SPRYD4: variants seen among roughly 807,000 people sequenced by gnomAD.
The protein encoded by SPRYD4 is SPRY domain-containing protein 4.
Under a neutral mutation model 16.6 loss-of-function variants are expected in SPRYD4, and 12 were observed. The ratio of observed to expected loss-of-function variants is 0.72; its 90% CI spans 0.46 to 1.17. The LOEUF is 1.17. Among genes scored for constraint, SPRYD4 ranks in the 50% most tolerant of loss-of-function variants. SPRYD4 has a pLI of 0.00. For synonymous variants in SPRYD4, 98 were observed against 105.4 expected, an observed-to-expected ratio of 0.93 and a Z score of 0.43; for missense variants, 260 against 260.2, an observed-to-expected ratio of 1.00 and a Z score of 0.00.
chr12:56,474,186 A>C lies in SPRYD4; in HGVS notation c.*4609A>C, dbSNP rs1197141057. ...CGGCTCAGTGCAACCTCTGCCTCCC[A>C]GGTTCAAGCACTTCTGCCTCAGCCT... On this transcript the variant is annotated 3_prime_UTR_variant, in exon 2 of 2. Coordinates refer to ENST00000338146, the MANE Select transcript of SPRYD4 (RefSeq NM_207344.4). The C allele has an allele frequency of 3.7e-6, 1 of 271,292 alleles. No homozygotes were observed. The highest frequency in any genetic ancestry group is 7.1e-6 in the Non-Finnish European group (1 of 140,958). The allele number at this position is 271,292 out of a possible 1,614,324, so 16.8% of individuals were successfully genotyped here.
chr12:56,470,282 G>A lies in SPRYD4; in HGVS notation c.*705G>A, dbSNP rs1445545590. The stretch of plus-strand genomic sequence containing the variant: ...TCCCAGTTATAACCTTGACCAAAGG[G>A]GAAGAGAGACACTTGGGGGATATCT... On this transcript the variant is annotated 3_prime_UTR_variant, in exon 2 of 2. Transcript: ENST00000338146. 1 of 151,880 alleles carries A rather than the reference G, an allele frequency of 6.6e-6. No homozygotes were observed. Among genetic ancestry groups the A allele is most frequent in the Admixed American group, 6.7e-5 (1 of 14,960 alleles). 9.4% of individuals were successfully genotyped at this position (151,880 alleles called of 1,614,324 possible). A position where few individuals can be genotyped will look rare whatever the true frequency, so the allele number is the denominator to read the frequency against.
chr12:56,478,374 G>A lies in SPRYD4; in HGVS notation c.*8797G>A, dbSNP rs1870009410. On this transcript the variant is annotated 3_prime_UTR_variant, in exon 2 of 2. Coordinates refer to ENST00000338146, the MANE Select transcript of SPRYD4 (RefSeq NM_207344.4). ...AAAAGCTAAAATTCTGTCTTCTATA[G>A]GGCAGAGGGGTTCCCTCCTGCCTGT... is the stretch of plus-strand genomic sequence containing the variant. 1.8e-6 allele frequency: 2 copies of A among 1,108,560 alleles called. No homozygotes were observed. Among genetic ancestry groups the A allele is most frequent in the South Asian group, 1.5e-5 (1 of 68,186 alleles). The allele number at this position is 1,108,560 out of a possible 1,614,324, so 68.7% of individuals were successfully genotyped here.
chr12:56,475,306 AC>A lies in SPRYD4; in HGVS notation c.*5732del. 7.1e-7 allele frequency: 1 copy of A among 1,402,570 alleles called. No homozygotes were observed. The highest frequency in any genetic ancestry group is 9.6e-7 in the Non-Finnish European group (1 of 1,045,514). 86.9% of individuals were successfully genotyped at this position (1,402,570 alleles called of 1,614,324 possible). On this transcript the variant is annotated 3_prime_UTR_variant, in exon 2 of 2. Coordinates refer to ENST00000338146, the MANE Select transcript of SPRYD4 (RefSeq NM_207344.4). Reference sequence around the variant, plus strand: ...TCAGCATAGTTTTGTTATAAAGTAAACCCAAACCAAACACCCCAAACTGTCT... The same window carrying A: ...TCAGCATAGTTTTGTTATAAAGTAAACCAAACCAAACACCCCAAACTGTCT...
chr12:56,476,776 A>T lies in SPRYD4; in HGVS notation c.*7199A>T, dbSNP rs1869862647. On this transcript the variant is annotated 3_prime_UTR_variant, in exon 2 of 2. Coordinates refer to ENST00000338146, the MANE Select transcript of SPRYD4 (RefSeq NM_207344.4). The stretch of plus-strand genomic sequence containing the variant: ...AGCCTGGCTAATTTTTTGTATTTTT[A>T]GTAGAGACGGGGTTTCACCGTGCTA... The T allele has an allele frequency of 6.6e-6, 1 of 151,984 alleles. No individual in the cohort carries two copies. Among genetic ancestry groups the T allele is most frequent in the Non-Finnish European group, 1.5e-5 (1 of 68,086 alleles). The allele number at this position is 151,984 out of a possible 1,614,324, so 9.4% of individuals were successfully genotyped here.
rs371299225 is a variant in SPRYD4 at position 56,468,725 on chromosome 12, A to C, written c.85+49A>C. ...TTTACCTCCAGAATGGCTGCCGTCT[A>C]TTATTCCCAGACCCCACTCCGAGAA... On this transcript the variant is annotated intron_variant, in intron 1 of 1. Transcript: ENST00000338146. 6 of 1,583,548 alleles carry C rather than the reference A, an allele frequency of 3.8e-6. No individual in the cohort carries two copies. In the South Asian group the frequency reaches 5.5e-5, roughly 15 times the overall value.
rs755030206 is a variant in SPRYD4, at chr12:56,474,607, G to A, written c.*5030G>A. 2 of 1,614,204 alleles carry A rather than the reference G, an allele frequency of 1.2e-6. No individual in the cohort carries two copies. Among genetic ancestry groups the A allele is most frequent in the East Asian group, 2.2e-5 (1 of 44,886 alleles). On this transcript the variant is annotated 3_prime_UTR_variant, in exon 2 of 2. Transcript: ENST00000338146. The stretch of plus-strand genomic sequence containing the variant: ...AGGAATGCATGAGGCTGAGGGTGTT[G>A]CGCACTGCTTCAGCACTCAGCACAC...
In SPRYD4 at chr12:56,474,856, A is replaced by T. The variant is rs1202390042; in HGVS notation, c.*5279A>T. Reference sequence around the variant, plus strand: ...GCAGTGTTTTCTTACCTGGAAGTAGAGATCAAGGGCAGCCATCATGTCCAC... The same window carrying T: ...GCAGTGTTTTCTTACCTGGAAGTAGTGATCAAGGGCAGCCATCATGTCCAC... On this transcript the variant is annotated 3_prime_UTR_variant, in exon 2 of 2. Coordinates refer to ENST00000338146, the MANE Select transcript of SPRYD4 (RefSeq NM_207344.4). 3.1e-6 allele frequency: 5 copies of T among 1,614,056 alleles called. No homozygotes were observed. The highest frequency in any genetic ancestry group is 3.4e-6 in the Non-Finnish European group (4 of 1,180,034).
Position 56,469,795 on chromosome 12 carries a change from C to T in SPRYD4, c.*218C>T, listed in dbSNP as rs1869160794. On this transcript the variant is annotated 3_prime_UTR_variant, in exon 2 of 2. Coordinates refer to ENST00000338146, the MANE Select transcript of SPRYD4 (RefSeq NM_207344.4). ...CCCACCCACCAACTACTGCCAATTT[C>T]CTAGGCTACCATGGGTGTATCTTCC... 1 of 577,800 alleles carries T rather than the reference C, an allele frequency of 1.7e-6. No homozygotes were observed. The highest frequency in any genetic ancestry group is 3.1e-6 in the Non-Finnish European group (1 of 325,936). The allele number at this position is 577,800 out of a possible 1,614,324, so 35.8% of individuals were successfully genotyped here.
chr12:56,474,866 C>CA lies in SPRYD4; in HGVS notation c.*5290dup, dbSNP rs777335978. The CA allele has an allele frequency of 6.2e-7, 1 of 1,614,162 alleles. No homozygotes were observed. The highest frequency in any genetic ancestry group is 8.5e-7 in the Non-Finnish European group (1 of 1,180,020). On this transcript the variant is annotated 3_prime_UTR_variant, in exon 2 of 2. Transcript: ENST00000338146. ...CTTACCTGGAAGTAGAGATCAAGGG[C>CA]AGCCATCATGTCCACCCCCTTAGGA...
Position 56,478,200 on chromosome 12 carries a change from GCACAGGGAGACACCC to G in SPRYD4, c.*8630_*8644del. ...CATCTCACCGTTGACCATCCACAGT[GCACAGGGAGACACCC>G]CACAGGTCTGGGTTTGACTTGGCCA... On this transcript the variant is annotated 3_prime_UTR_variant, in exon 2 of 2. Transcript: ENST00000338146. The G allele has an allele frequency of 6.2e-7, 1 of 1,614,226 alleles. No homozygotes were observed. Among genetic ancestry groups the G allele is most frequent in the Non-Finnish European group, 8.5e-7 (1 of 1,180,034 alleles).
chr12:56,476,069 C>T lies in SPRYD4; in HGVS notation c.*6492C>T. The T allele has an allele frequency of 1.6e-6, 2 of 1,223,772 alleles. No homozygotes were observed. Among genetic ancestry groups the T allele is most frequent in the East Asian group, 2.3e-5 (1 of 42,762 alleles). 75.8% of individuals were successfully genotyped at this position (1,223,772 alleles called of 1,614,324 possible). ...GATCTAGTGGAGTTCTAGTGTTAGT[C>T]TGGTCCTGCTGCTGCAAATGTGTTC... is the stretch of plus-strand genomic sequence containing the variant. On this transcript the variant is annotated 3_prime_UTR_variant, in exon 2 of 2. Transcript: ENST00000338146.
intron 1 of SPRYD4, 34 bp from the exon 2 acceptor site, chr12:56,469,005 C>T (rs752642302): frequency 1.3e-6 from 2 of 1,531,756 alleles, no homozygotes; most frequent in South Asian, 2.6e-5. Flanking sequence ...GTTCTAGCCC[C>T]TGTTATTATC....
Position 56,469,091 on chromosome 12 carries a change from C to T in SPRYD4, c.138C>T (p.Phe46=). Residue 46 remains phenylalanine (F), a synonymous_variant, in exon 2 of 2, where the codon TTC becomes TTT. Transcript: ENST00000338146. The part of the protein sequence containing the change: ...EKTAHSSLAL[F]RDDTGVKYGL... Reference sequence around the variant, plus strand: ...CCGCCCACAGCAGCCTGGCACTCTTCAGAGATGATACGGGTGTCAAATATG... The same window carrying T: ...CCGCCCACAGCAGCCTGGCACTCTTTAGAGATGATACGGGTGTCAAATATG... 1 of 1,610,234 alleles carries T rather than the reference C, an allele frequency of 6.2e-7. No individual in the cohort carries two copies. The highest frequency in any genetic ancestry group is 8.5e-7 in the Non-Finnish European group (1 of 1,177,884).
chr12:56,469,002 C>A, intron 1 of SPRYD4, 37 bp from the exon 2 acceptor site: 1 of 1,530,522 alleles, frequency 6.5e-7, no homozygotes, highest in Non-Finnish European at 8.8e-7. Context: ...AGGGTTCTAG[C>A]CCCTGTTATT....
Position 56,472,063 on chromosome 12 carries a change from G to A in SPRYD4, c.*2486G>A. ...CACATATAATGAAGGTACTTTTGGT[G>A]AAAAAGAAAGGGTCTTATGATTACC... On this transcript the variant is annotated 3_prime_UTR_variant, in exon 2 of 2. Transcript: ENST00000338146. 1 of 1,577,074 alleles carries A rather than the reference G, an allele frequency of 6.3e-7. No homozygotes were observed. Among genetic ancestry groups the A allele is most frequent in the South Asian group, 1.1e-5 (1 of 89,316 alleles).
At position 56,475,582 on chromosome 12, in the gene SPRYD4, A is replaced by C; in HGVS notation, c.*6005A>C. 2.5e-4 allele frequency: 400 copies of C among 1,594,078 alleles called. No individual in the cohort carries two copies. Among genetic ancestry groups the C allele is most frequent in the Non-Finnish European group, 3.1e-4 (360 of 1,161,936 alleles). ...GTCCCCATCCTAAGTACACACACAT[A>C]CACCACAATGCTTTCAGTCAGTCCT... On this transcript the variant is annotated 3_prime_UTR_variant, in exon 2 of 2. Transcript: ENST00000338146.
At position 56,473,451 on chromosome 12, in the gene SPRYD4, A is replaced by C; in HGVS notation, c.*3874A>C. On this transcript the variant is annotated 3_prime_UTR_variant, in exon 2 of 2. Transcript: ENST00000338146. ...TTCAAAAATAGTAAGTACTATATGC[A>C]AAGCATCTCACCTGGCAGAAGCTGG... 1 of 1,609,318 alleles carries C rather than the reference A, an allele frequency of 6.2e-7. No homozygotes were observed. Among genetic ancestry groups the C allele is most frequent in the Non-Finnish European group, 8.5e-7 (1 of 1,177,128 alleles).
Position 56,468,675 on chromosome 12 carries a change from A to T in SPRYD4, c.84A>T (p.Arg28Ser), listed in dbSNP as rs777600604. The T allele has an allele frequency of 6.2e-7, 1 of 1,613,072 alleles. No homozygotes were observed. The highest frequency in any genetic ancestry group is 8.5e-7 in the Non-Finnish European group (1 of 1,179,098). The change falls in exon 1 of 2, where the codon AGA becomes AGT. Residue 28 changes from arginine to serine, a missense_variant and splice_region_variant. Coordinates refer to ENST00000338146, the MANE Select transcript of SPRYD4 (RefSeq NM_207344.4). ...RLGVASTEAQ[R>S]GVSFKLEEKT... Reference sequence around the variant, plus strand: ...GAGTTGCCTCCACAGAGGCCCAGAGAGGTAGGATTATCTCTTTTTACTCTT... The same window carrying T: ...GAGTTGCCTCCACAGAGGCCCAGAGTGGTAGGATTATCTCTTTTTACTCTT...
chr12:56,471,973 A>G lies in SPRYD4; in HGVS notation c.*2396A>G, dbSNP rs1869316173. 2 of 1,262,748 alleles carry G rather than the reference A, an allele frequency of 1.6e-6. No homozygotes were observed. Among genetic ancestry groups the G allele is most frequent in the Non-Finnish European group, 2.3e-6 (2 of 870,944 alleles). The allele number at this position is 1,262,748 out of a possible 1,614,324, so 78.2% of individuals were successfully genotyped here. A position where few individuals can be genotyped will look rare whatever the true frequency, so the allele number is the denominator to read the frequency against. Reference sequence around the variant, plus strand: ...ATTTTGTACCCTGCAGCACTCAGTCATAGTCTAGCTGCAAACCGAAGGGTG... The same window carrying G: ...ATTTTGTACCCTGCAGCACTCAGTCGTAGTCTAGCTGCAAACCGAAGGGTG... On this transcript the variant is annotated 3_prime_UTR_variant, in exon 2 of 2. Transcript: ENST00000338146.
Sources: gnomAD v4.1 joint callset for allele counts on GRCh38, gnomAD v4.1.1 for gene constraint, MANE v1.5 for transcripts, NCBI Gene and HGNC (gene_info 2026-07-23, HGNC 2026-07-21) for gene names.